SORBS2: variants seen among roughly 807,000 people sequenced by gnomAD.
SORBS2 encodes the protein sorbin and SH3 domain-containing protein 2.
SORBS2 carries 46 observed loss-of-function variants against 97.7 expected under a neutral mutation model. That is an observed-to-expected ratio of 0.47 (90% CI 0.37 to 0.60). SORBS2 has a LOEUF of 0.60. Ranked by LOEUF, SORBS2 falls within the 20% of genes least tolerant of loss-of-function variation. The pLI is 0.00. For missense variants in SORBS2, 1,316 were observed against 1,282.3 expected (o/e 1.03, Z -0.40); for synonymous variants, 476 against 473.4 (o/e 1.01, Z -0.07).
intron 2 of SORBS2, among the ~76,000 whole-genome samples, chr4:185,694,706 C>CTTTTTTTTTTTTTTTTTTTTTTTTTTTT (rs1200094039): frequency 1.6e-5 from 2 of 124,242 alleles, no homozygotes; most frequent in Non-Finnish European, 1.7e-5. Context: ...CCTTTTCTTT[C>CTTTTTTTTTTTTTTTTTTTTTTTTTTTT]TTTTCTTTTC....
At chr4:185,781,136 C>G (rs1354181342) in intron 1 of SORBS2, among the ~76,000 whole-genome samples, 1 of 152,010 alleles carries the variant, frequency 6.6e-6, no homozygotes, top group Non-Finnish European at 1.5e-5. Flanking sequence ...CGGGTTTCAC[C>G]ATGTTGGTCA....
chr4:185,872,979 C>T (rs1350626539), intron 1 of SORBS2, among the ~76,000 whole-genome samples: 2 of 152,196 alleles, frequency 1.3e-5, no homozygotes, highest in African/African-American at 4.8e-5. Flanking sequence ...GTACGTCAGC[C>T]ACCTCTGCTT....
chr4:185,850,040 C>A (rs1189569189), intron 1 of SORBS2, among the ~76,000 whole-genome samples: 1 of 152,190 alleles, frequency 6.6e-6, no homozygotes, highest in Non-Finnish European at 1.5e-5. Flanking sequence ...ATTCTTCAGG[C>A]CTGTGCAGAT....
chr4:185,870,683 G>A (rs2099229922), intron 1 of SORBS2, among the ~76,000 whole-genome samples: 1 of 152,238 alleles, frequency 6.6e-6, no homozygotes, highest in African/African-American at 2.4e-5. Context: ...CAGGTCGTGA[G>A]GGCTGCCCGG....
intron 1 of SORBS2, among the ~76,000 whole-genome samples, chr4:185,845,234 G>A (rs868427006): frequency 6.6e-6 from 1 of 151,926 alleles, no homozygotes; most frequent in Admixed American, 6.6e-5. Context: ...TGCCCAGGTT[G>A]GTCTCCAACT....
Position 185,690,613 on chromosome 4 carries a change from TGTAGGA to T in SORBS2, c.-197-11797_-197-11792del. 1 of 1,428,658 alleles carries T rather than the reference TGTAGGA, an allele frequency of 7.0e-7. No homozygotes were observed. Among genetic ancestry groups the T allele is most frequent in the East Asian group, 2.5e-5 (1 of 40,042 alleles). 88.5% of individuals were successfully genotyped at this position (1,428,658 alleles called of 1,614,324 possible). On this transcript the variant is annotated intron_variant, in intron 2 of 20. Coordinates refer to the SORBS2 transcript ENST00000284776. The stretch of plus-strand genomic sequence containing the variant: ...TTGTTATTAAAGTCTTCAGTTTTCC[TGTAGGA>T]AAAAAATGGTGCATAATTGTTCACT...
rs549460132 is a variant in SORBS2, at chr4:185,767,303, C to A, written c.-198+7924G>T. ...CACGAGGTCAGGAGATCGAGACCAG[C>A]CTGGCTAACACACGGTGAAACCCCG... On this transcript the variant is annotated intron_variant, in intron 2 of 20. Coordinates refer to the SORBS2 transcript ENST00000284776. Among the ~76,000 whole-genome samples the A allele has an allele frequency of 1.3e-3, 177 of 138,900 alleles. 1 individual carries two copies. The highest frequency in any genetic ancestry group is 2.5e-3 in the Non-Finnish European group (155 of 62,438). The allele number at this position is 138,900 out of a possible 152,430, so 91.1% of individuals were successfully genotyped here.
exon 1 of SORBS2, chr4:185,656,917 C>A: frequency 8.1e-7 from 1 of 1,228,014 alleles, no homozygotes; most frequent in East Asian, 4.5e-5. Flanking sequence ...CTTTTCCTTT[C>A]CATGACATTA....
At chr4:185,796,469 C>T (rs1251699909) in intron 1 of SORBS2, among the ~76,000 whole-genome samples, 6 of 148,704 alleles carry the variant, frequency 4.0e-5, no homozygotes, top group Non-Finnish European at 6.0e-5. Flanking sequence ...GCTGTGGCCA[C>T]GCTGCTCCCT....
chr4:185,807,884 C>T (rs1446948543), intron 1 of SORBS2, among the ~76,000 whole-genome samples: 1 of 152,124 alleles, frequency 6.6e-6, no homozygotes, highest in Non-Finnish European at 1.5e-5. Flanking sequence ...TTATAAAATA[C>T]AAGTGCAACT....
At chr4:185,876,477 T>G (rs1174560735) in intron 1 of SORBS2, among the ~76,000 whole-genome samples, 1 of 152,244 alleles carries the variant, frequency 6.6e-6, no homozygotes. Context: ...GATTTACTAA[T>G]GTATACTTCC....
intron 4 of SORBS2, among the ~76,000 whole-genome samples, chr4:185,666,897 G>A (rs935925469): frequency 6.6e-6 from 1 of 152,156 alleles, no homozygotes; most frequent in Admixed American, 6.6e-5. Context: ...TAAATCTTAG[G>A]TAAAGGAGAA....
At chr4:185,670,752 C>T (rs957132405) in intron 4 of SORBS2, among the ~76,000 whole-genome samples, 3 of 152,094 alleles carry the variant, frequency 2.0e-5, no homozygotes, top group East Asian at 1.9e-4. Context: ...TGTGCCCCCT[C>T]TTTTCATGGC....
In SORBS2 at chr4:185,832,718, G is replaced by A. The variant is rs60770220; in HGVS notation, c.-337-57352C>T. Among the ~76,000 whole-genome samples, 917 of 152,218 alleles carry A rather than the reference G, an allele frequency of 6.0e-3. 7 individuals carry two copies. The highest frequency in any genetic ancestry group is 0.02 in the African/African-American group (820 of 41,526). On this transcript the variant is annotated intron_variant, in intron 1 of 20. Coordinates refer to the SORBS2 transcript ENST00000284776. ...TGAAGATTTATTTAAAAGCACATTT[G>A]GTTACCAGCAGTCTATGAAACCTTC...
chr4:185,788,127 T>C (rs766162795), intron 1 of SORBS2, among the ~76,000 whole-genome samples: 5 of 152,262 alleles, frequency 3.3e-5, no homozygotes, highest in Non-Finnish European at 5.9e-5. Flanking sequence ...TGCTTTGTTC[T>C]GCCTGGGAGC....
chr4:185,903,190 TGGG>T (rs763823884), intron 1 of SORBS2, among the ~76,000 whole-genome samples: 1 of 152,134 alleles, frequency 6.6e-6, no homozygotes, highest in Non-Finnish European at 1.5e-5. Flanking sequence ...ATAGTGATTT[TGGG>T]GGGGCATGCC....
At chr4:185,863,403 T>C (rs1456173702) in intron 1 of SORBS2, among the ~76,000 whole-genome samples, 3 of 152,230 alleles carry the variant, frequency 2.0e-5, no homozygotes, top group South Asian at 2.1e-4. Flanking sequence ...GTCCTATGCT[T>C]ATTTCCTTCT....
intron 1 of SORBS2, among the ~76,000 whole-genome samples, chr4:185,810,478 A>T (rs564059754): frequency 2.4e-4 from 36 of 152,378 alleles, no homozygotes; most frequent in Middle Eastern, 3.4e-3. Context: ...TAAATTTCAC[A>T]GTAGATTCCA....
At chr4:185,880,749 G>A (rs759066137) in intron 1 of SORBS2, among the ~76,000 whole-genome samples, 159 of 152,328 alleles carry the variant, frequency 1.0e-3, no homozygotes, top group Non-Finnish European at 1.6e-3. Context: ...GTACGGAAAA[G>A]CAAACAGAAC....
Sources: gnomAD v4.1 joint callset for allele counts (sites outside exome capture counted in the v4.1 genomes callset) on GRCh38, gnomAD v4.1.1 for gene constraint, MANE v1.5 for transcripts, NCBI Gene and HGNC (gene_info 2026-07-23, HGNC 2026-07-21) for gene names.